The following FAM168A variants were observed in gnomAD, a reference collection of about 807,000 sequenced individuals.
FAM168A encodes the protein protein FAM168A.
FAM168A carries 3 observed loss-of-function variants against 28.5 expected under a neutral mutation model. That is an observed-to-expected ratio of 0.11 (90% CI 0.05 to 0.27). The LOEUF (loss-of-function observed/expected upper bound fraction) is 0.27, where lower values mean the gene tolerates loss of function less well. Among genes scored for constraint, FAM168A ranks in the 10% least tolerant of loss-of-function variants. FAM168A has a pLI of 1.00. For missense variants in FAM168A, 222 were observed against 311.5 expected (o/e 0.71, Z 2.16); for synonymous variants, 122 against 124.2 (o/e 0.98, Z 0.12).
At position 73,432,375 on chromosome 11, in the gene FAM168A, A is replaced by T. The variant is rs191142679; in HGVS notation, c.71-1605T>A. ...AACTGTTTTTCACAATGTCTGTACT[A>T]TTTTACATTCCCTCCAGCAATGCAT... On this transcript the variant is annotated intron_variant, in intron 2 of 7. Coordinates refer to ENST00000356467, the MANE Select transcript of FAM168A (RefSeq NM_015159.3). 7.1e-3 allele frequency among the ~76,000 whole-genome samples: 1,075 copies of T among 152,228 alleles called. 12 individuals carry two copies. Among genetic ancestry groups the T allele is most frequent in the Middle Eastern group, 0.02 (6 of 294 alleles).
intron 1 of FAM168A, among the ~76,000 whole-genome samples, chr11:73,524,208 G>A (rs1187624568): frequency 5.3e-5 from 8 of 151,630 alleles, no homozygotes; most frequent in South Asian, 2.1e-4. Flanking sequence ...TTCTCATTTC[G>A]AAATTTTATG....
intron 1 of FAM168A, among the ~76,000 whole-genome samples, chr11:73,595,854 GA>G (rs886832299): frequency 2.6e-5 from 4 of 152,134 alleles, no homozygotes; most frequent in African/African-American, 9.7e-5. Flanking sequence ...TCAATCTTTA[GA>G]AATACAGTCC....
At chr11:73,426,736 A>AGTGTGT (rs1866892346) in intron 3 of FAM168A, among the ~76,000 whole-genome samples, 3 of 113,210 alleles carry the variant, frequency 2.6e-5, no homozygotes, top group African/African-American at 1.3e-4. Flanking sequence ...TGTGTGTGTA[A>AGTGTGT]GTAACTCAAA....
chr11:73,449,452 T>C (rs1565250172), intron 2 of FAM168A, among the ~76,000 whole-genome samples: 2 of 152,166 alleles, frequency 1.3e-5, no homozygotes, highest in African/African-American at 2.4e-5. Flanking sequence ...TGAAAATAAC[T>C]ATAATAATAT....
intron 3 of FAM168A, among the ~76,000 whole-genome samples, chr11:73,421,103 T>A (rs879325649): frequency 6.6e-6 from 1 of 151,018 alleles, no homozygotes; most frequent in South Asian, 2.1e-4. Context: ...GGGTGCTATA[T>A]AGTATATTAG....
At chr11:73,517,140 C>T (rs1289397289) in intron 1 of FAM168A, among the ~76,000 whole-genome samples, 1 of 152,154 alleles carries the variant, frequency 6.6e-6, no homozygotes, top group African/African-American at 2.4e-5. Context: ...ACTTCGAACT[C>T]CTGGGCCCAA....
At chr11:73,481,737 G>A (rs908679043) in intron 1 of FAM168A, among the ~76,000 whole-genome samples, 7 of 152,206 alleles carry the variant, frequency 4.6e-5, no homozygotes, top group African/African-American at 1.7e-4. Context: ...GTTAGAGAGA[G>A]CTAGCTGGAA....
Position 73,411,372 on chromosome 11 carries a change from GGTGGCTTT to G in FAM168A, c.420+14_420+21del, listed in dbSNP as rs752955985. Reference sequence around the variant, plus strand: ...TGAAGGCTCCTCTACCTGCAGAAGAGGTGGCTTTGACATGTACCTACCTGGGCATACAG... The same window carrying G: ...TGAAGGCTCCTCTACCTGCAGAAGAGGACATGTACCTACCTGGGCATACAG... On this transcript the variant is annotated intron_variant, in intron 5 of 7. Transcript: ENST00000356467. The G allele has an allele frequency of 1.3e-6, 2 of 1,562,614 alleles. No individual in the cohort carries two copies. The highest frequency in any genetic ancestry group is 3.6e-5 in the Admixed American group (2 of 55,212).
intron 1 of FAM168A, among the ~76,000 whole-genome samples, chr11:73,488,424 C>T (rs987986920): frequency 5.9e-5 from 9 of 152,176 alleles, no homozygotes; most frequent in Non-Finnish European, 1.3e-4. Flanking sequence ...AGCCACTGTG[C>T]CCAGCCTCAT....
At chr11:73,511,469 C>T (rs1374502491) in intron 1 of FAM168A, among the ~76,000 whole-genome samples, 1 of 151,908 alleles carries the variant, frequency 6.6e-6, no homozygotes, top group Non-Finnish European at 1.5e-5. Context: ...GATCTCCTGA[C>T]CTTGTGATCT....
At chr11:73,438,716 T>C (rs1867138453) in intron 2 of FAM168A, among the ~76,000 whole-genome samples, 1 of 151,512 alleles carries the variant, frequency 6.6e-6, no homozygotes, top group Admixed American at 6.6e-5. Context: ...GAGTTCAGAG[T>C]GGTTAAGATC....
chr11:73,423,729 A>G (rs749311417), intron 3 of FAM168A, among the ~76,000 whole-genome samples: 6 of 152,074 alleles, frequency 3.9e-5, no homozygotes, highest in Non-Finnish European at 8.8e-5. Context: ...TGACTATCCC[A>G]ATCCCTATGA....
At chr11:73,550,968 G>A (rs1415425052) in intron 1 of FAM168A, among the ~76,000 whole-genome samples, 1 of 152,020 alleles carries the variant, frequency 6.6e-6, no homozygotes, top group Non-Finnish European at 1.5e-5. Context: ...AAAACTAGCT[G>A]GGCACGGTGA....
chr11:73,547,770 C>T (rs943137754), intron 1 of FAM168A, among the ~76,000 whole-genome samples: 2 of 151,636 alleles, frequency 1.3e-5, no homozygotes, highest in African/African-American at 2.4e-5. Flanking sequence ...GACATATTTG[C>T]ATATCTGTGT....
At chr11:73,515,686 G>A (rs1314540936) in intron 1 of FAM168A, among the ~76,000 whole-genome samples, 1 of 151,946 alleles carries the variant, frequency 6.6e-6, no homozygotes, top group Non-Finnish European at 1.5e-5. Flanking sequence ...ACCTAACATA[G>A]GGGCTCAATT....
intron 1 of FAM168A, among the ~76,000 whole-genome samples, chr11:73,544,971 TTA>T (rs1289150101): frequency 6.9e-5 from 6 of 86,662 alleles, no homozygotes; most frequent in African/African-American, 4.3e-4. Flanking sequence ...ATAATATATA[TTA>T]TATAATATAT....
intron 1 of FAM168A, among the ~76,000 whole-genome samples, chr11:73,477,129 C>G (rs139222441): frequency 6.6e-6 from 1 of 152,180 alleles, no homozygotes; most frequent in East Asian, 1.9e-4. Context: ...AAACTAAATA[C>G]CACAGATTCT....
intron 1 of FAM168A, among the ~76,000 whole-genome samples, chr11:73,583,883 T>A (rs1378674543): frequency 2.0e-5 from 3 of 152,164 alleles, no homozygotes. Context: ...AACCTGGACC[T>A]CATCTCAAAG....
chr11:73,596,831 G>GCCACCTCACCATCAGCAA (rs1944443918), intron 1 of FAM168A, among the ~76,000 whole-genome samples: 1 of 151,890 alleles, frequency 6.6e-6, no homozygotes, highest in African/African-American at 2.4e-5. Context: ...TTTCCCCTGT[G>GCCACCTCACCATCAGCAA]CCACCTCACC....
Sources: gnomAD v4.1 joint callset for allele counts (sites outside exome capture counted in the v4.1 genomes callset) on GRCh38, gnomAD v4.1.1 for gene constraint, MANE v1.5 for transcripts, NCBI Gene and HGNC (gene_info 2026-07-23, HGNC 2026-07-21) for gene names.